UBE4B: variants seen among roughly 807,000 people sequenced by gnomAD.
The protein encoded by UBE4B is ubiquitin conjugation factor E4 B.
UBE4B carries 27 observed loss-of-function variants against 148.1 expected under a neutral mutation model. That is an observed-to-expected ratio of 0.18 (90% confidence interval 0.13 to 0.25). The LOEUF (loss-of-function observed/expected upper bound fraction) is 0.25, where lower values mean the gene tolerates loss of function less well. Ranked by LOEUF, UBE4B falls within the 10% of genes least tolerant of loss-of-function variation. The pLI is 1.00. For missense variants in UBE4B, 1,170 were observed against 1,662.4 expected, an observed-to-expected ratio of 0.70 and a Z score of 5.15; for synonymous variants, 596 against 619.3, an observed-to-expected ratio of 0.96 and a Z score of 0.56.
At chr1:10,057,755 A>G (rs1376945014) in intron 1 of UBE4B, among the ~76,000 whole-genome samples, 1 of 152,122 alleles carries the variant, frequency 6.6e-6, no homozygotes, top group Non-Finnish European at 1.5e-5. Flanking sequence ...AAAGAAAGAA[A>G]AAAGAAAAAT....
chr1:10,040,999 G>C (rs1347434102), intron 1 of UBE4B, among the ~76,000 whole-genome samples: 2 of 152,134 alleles, frequency 1.3e-5, no homozygotes, highest in East Asian at 3.9e-4. Flanking sequence ...TCAGAAGATA[G>C]TTGCTACCAT....
chr1:10,048,935 C>A (rs1401872520), intron 1 of UBE4B, among the ~76,000 whole-genome samples: 1 of 152,206 alleles, frequency 6.6e-6, no homozygotes, highest in Non-Finnish European at 1.5e-5. Context: ...ATAATCACTA[C>A]TTTCTTTATT....
At position 10,130,745 on chromosome 1, in the gene UBE4B, C is replaced by T; in HGVS notation, c.1843C>T (p.Pro615Ser). ...AGTGGTTGAAAAATACTTCTCAGGG[C>T]CTGCCATTACCCTGGAAAACACTCG... Reference protein sequence around the residue: ...VKVVEKYFSGPAITLENTRVV... With the variant: ...VKVVEKYFSGSAITLENTRVV... Residue 615 changes from proline to serine, a missense_variant, in exon 14 of 28, where the codon CCT (proline) becomes TCT (serine). Transcript: ENST00000343090. 6.2e-7 allele frequency: 1 copy of T among 1,614,150 alleles called. No homozygotes were observed. Among genetic ancestry groups the T allele is most frequent in the Non-Finnish European group, 8.5e-7 (1 of 1,180,042 alleles).
At chr1:10,157,886 T>G (rs1646099675) in intron 21 of UBE4B, among the ~76,000 whole-genome samples, 1 of 152,194 alleles carries the variant, frequency 6.6e-6, no homozygotes, top group Non-Finnish European at 1.5e-5. Flanking sequence ...TTAATAGATT[T>G]AGGGATGATA....
At chr1:10,041,228 G>A (rs1643748901) in intron 1 of UBE4B, among the ~76,000 whole-genome samples, 1 of 151,866 alleles carries the variant, frequency 6.6e-6, no homozygotes, top group Non-Finnish European at 1.5e-5. Flanking sequence ...CAACTAGTAA[G>A]TGGTAGAACC....
At chr1:10,059,521 C>G in intron 1 of UBE4B, 1 of 217,392 alleles carries the variant, frequency 4.6e-6, no homozygotes, top group Non-Finnish European at 9.8e-6. Context: ...GGAGCTGAGC[C>G]TGCCCACTGG....
At chr1:10,105,015 A>G (rs183549774) in intron 5 of UBE4B, among the ~76,000 whole-genome samples, 19 of 152,354 alleles carry the variant, frequency 1.2e-4, no homozygotes, top group Admixed American at 1.0e-3. Context: ...CATGGTGACT[A>G]GATGTTGGAC....
At chr1:10,096,779 G>T (rs933548788) in intron 3 of UBE4B, among the ~76,000 whole-genome samples, 1 of 151,902 alleles carries the variant, frequency 6.6e-6, no homozygotes, top group Non-Finnish European at 1.5e-5. Context: ...GGTGGCTCAC[G>T]CCTGTAATCC....
At chr1:10,108,260 T>C (rs1420749901) in intron 7 of UBE4B, among the ~76,000 whole-genome samples, 2 of 143,336 alleles carry the variant, frequency 1.4e-5, no homozygotes, top group Non-Finnish European at 3.0e-5. Context: ...GAAGAACATA[T>C]GAGGTCATAC....
intron 1 of UBE4B, among the ~76,000 whole-genome samples, chr1:10,044,552 TCTTC>T (rs553765104): frequency 3.2e-4 from 48 of 151,888 alleles, no homozygotes; most frequent in African/African-American, 5.6e-4. Flanking sequence ...CCTTCCTTAC[TCTTC>T]CTTCCTTCCT....
intron 3 of UBE4B, 130 bp from the exon 4 acceptor site, chr1:10,100,978 A>G: frequency 1.4e-6 from 1 of 727,700 alleles, no homozygotes; most frequent in South Asian, 2.0e-5. Flanking sequence ...TAATAAGAAA[A>G]AAGATGGACC....
At chr1:10,173,140 G>T (rs1298959156) in intron 25 of UBE4B, among the ~76,000 whole-genome samples, 1 of 152,162 alleles carries the variant, frequency 6.6e-6, no homozygotes, top group African/African-American at 2.4e-5. Flanking sequence ...CAAAGTAGTG[G>T]CTCGTAAGAG....
intron 20 of UBE4B, 69 bp downstream of exon 20, chr1:10,149,351 A>G (rs990886179): frequency 7.0e-6 from 9 of 1,284,788 alleles, no homozygotes; most frequent in Non-Finnish European, 9.6e-6. Context: ...ATTCTGAGCT[A>G]TGTTGCAAAC....
chr1:10,106,556 G>C lies in UBE4B; in HGVS notation c.1169G>C (p.Arg390Pro). 1.3e-6 allele frequency: 2 copies of C among 1,584,250 alleles called. No homozygotes were observed. Among genetic ancestry groups the C allele is most frequent in the Non-Finnish European group, 1.7e-6 (2 of 1,170,206 alleles). The change falls in exon 7 of 28, where the codon CGC becomes CCC. Residue 390 changes from arginine to proline, a missense_variant. This residue lies in a region of UBE4B where 388 missense variants were observed against 536.0 expected (regional missense o/e 0.72). Coordinates refer to ENST00000343090, the MANE Select transcript of UBE4B (RefSeq NM_001105562.3). The surrounding 1 kb of genome is among the most constrained non-coding windows in gnomAD (Gnocchi z 4.2). ...PPASPSATSRRPSSLRISPSL... is the reference protein window; with the variant it reads ...PPASPSATSRPPSSLRISPSL... ...GCCTCACCCAGTGCCACGAGCAGAC[G>C]CCCCTCCTCCCTGAGGATCTCTCCT... is the stretch of plus-strand genomic sequence containing the variant.
intron 7 of UBE4B, among the ~76,000 whole-genome samples, chr1:10,109,204 A>C (rs1170282415): frequency 3.3e-5 from 5 of 150,520 alleles, no homozygotes; most frequent in East Asian, 4.0e-4. Flanking sequence ...GGCAGGGGGA[A>C]CGGGGGGGCC....
At position 10,134,670 on chromosome 1, in the gene UBE4B, A is replaced by G. The variant is rs371831418; in HGVS notation, c.2026-318A>G. Among the ~76,000 whole-genome samples, 14 of 152,312 alleles carry G rather than the reference A, an allele frequency of 9.2e-5. No individual in the cohort carries two copies. In the South Asian group the frequency reaches 2.9e-3, roughly 32 times the overall value. On this transcript the variant is annotated intron_variant, in intron 15 of 27. Transcript: ENST00000343090. ...TGTCTTCTCATTGACTTTAGGATAC[A>G]GTTATGTTTGAAAGTTCAGTCTGCT...
chr1:10,171,388 A>G, intron 25 of UBE4B, 59 bp downstream of exon 25: 1 of 1,573,612 alleles, frequency 6.4e-7, no homozygotes. Flanking sequence ...GATAATAACC[A>G]CAGTGGCCAG....
In UBE4B at chr1:10,117,470, C is replaced by G; in HGVS notation, c.1208C>G (p.Ser403Cys). Residue 403 changes from serine (S) to cysteine (C), a missense_variant, in exon 8 of 28, where the codon TCT (serine) becomes TGT (cysteine). Around this residue, in one of 6 missense-constraint regions of UBE4B, gnomAD observed 388 missense variants for 536.0 expected, o/e 0.72. Transcript: ENST00000343090. ...SLRISPSLGA[S>C]GGASNWDSYS... ...TGTCTTCTCTGAAGTTTGGGAGCCT[C>G]TGGTGGAGCAAGTAATTGGGATTCC... is the stretch of plus-strand genomic sequence containing the variant. 1 of 1,608,864 alleles carries G rather than the reference C, an allele frequency of 6.2e-7. No individual in the cohort carries two copies.
At chr1:10,100,833 C>G in intron 3 of UBE4B, 1 of 332,526 alleles carries the variant, frequency 3.0e-6, no homozygotes, top group Non-Finnish European at 5.7e-6. Context: ...GGATTACAGG[C>G]GTGAGCCACT....
Sources: allele counts gnomAD v4.1 joint callset (sites outside exome capture counted in the v4.1 genomes callset), GRCh38; gene constraint gnomAD v4.1.1; regional missense constraint gnomAD v4.1.1; non-coding constraint Gnocchi (gnomAD v3.1); transcripts MANE v1.5; gene names NCBI Gene and HGNC (gene_info 2026-07-23, HGNC 2026-07-21).